The following THUMPD2 variants were observed in gnomAD, a reference collection of about 807,000 sequenced individuals.
THUMPD2 encodes the protein U6 snRNA (guanine-N(2))-methyltransferase THUMPD2.
THUMPD2 carries 56 observed loss-of-function variants against 49.4 expected under a neutral mutation model. The ratio of observed to expected loss-of-function variants is 1.13; its 90% confidence interval spans 0.91 to 1.41. The LOEUF is 1.41. Ranked by LOEUF, THUMPD2 falls within the 40% of genes most tolerant of loss-of-function variation. The pLI is 0.00. For missense variants in THUMPD2, 709 were observed against 594.5 expected (o/e 1.19, Z -2.00); for synonymous variants, 237 against 205.2 (o/e 1.15, Z -1.32).
At chr2:39,764,952 C>T (rs928849785) in intron 5 of THUMPD2, among the ~76,000 whole-genome samples, 3 of 152,214 alleles carry the variant, frequency 2.0e-5, no homozygotes, top group African/African-American at 4.8e-5. Context: ...CATGGCATGA[C>T]GTCTTGAATG....
intron 9 of THUMPD2, among the ~76,000 whole-genome samples, chr2:39,742,542 A>G (rs6749057): frequency 0.13 from 19,155 of 152,220 alleles, 1,536 homozygotes; most frequent in African/African-American, 0.22. Flanking sequence ...TAGAGGTGCT[A>G]TAATATGCAG....
chr2:39,757,041 G>A (rs997289199), intron 6 of THUMPD2, among the ~76,000 whole-genome samples: 51 of 152,018 alleles, frequency 3.4e-4, no homozygotes, highest in African/African-American at 1.2e-3. Flanking sequence ...GAATAGGGAA[G>A]CCAAGAAATG....
intron 6 of THUMPD2, among the ~76,000 whole-genome samples, chr2:39,758,132 T>C (rs954507542): frequency 2.6e-5 from 4 of 152,204 alleles, no homozygotes; most frequent in African/African-American, 7.2e-5. Context: ...CTGAAAAACA[T>C]GTTTATATTA....
At chr2:39,777,640 A>G (rs1679295220) in intron 1 of THUMPD2, among the ~76,000 whole-genome samples, 2 of 152,204 alleles carry the variant, frequency 1.3e-5, no homozygotes, top group Non-Finnish European at 1.5e-5. Flanking sequence ...TATCAGAGCA[A>G]CTTGGGTGGA....
chr2:39,744,206 T>C (rs1674280764), intron 9 of THUMPD2, among the ~76,000 whole-genome samples, 164 bp downstream of exon 9: 1 of 152,162 alleles, frequency 6.6e-6, no homozygotes, highest in African/African-American at 2.4e-5. Context: ...ATGGATAACA[T>C]TTATTTCAAT....
At chr2:39,757,955 G>C (rs937068036) in intron 6 of THUMPD2, among the ~76,000 whole-genome samples, 3 of 152,120 alleles carry the variant, frequency 2.0e-5, no homozygotes, top group Non-Finnish European at 2.9e-5. Context: ...CCCTCCAAAA[G>C]AACTCTACTA....
At chr2:39,759,513 G>A (rs944687468) in intron 6 of THUMPD2, among the ~76,000 whole-genome samples, 3 of 151,600 alleles carry the variant, frequency 2.0e-5, no homozygotes, top group African/African-American at 4.9e-5. Flanking sequence ...TAAGTATTCC[G>A]CCCAAAGCTT....
chr2:39,763,956 C>T (rs1677171083), intron 5 of THUMPD2, among the ~76,000 whole-genome samples: 1 of 152,080 alleles, frequency 6.6e-6, no homozygotes, highest in Non-Finnish European at 1.5e-5. Context: ...GTCCCAACTA[C>T]ACTGAAACTA....
intron 9 of THUMPD2, among the ~76,000 whole-genome samples, chr2:39,742,915 G>A (rs1674096212): frequency 6.6e-6 from 1 of 152,176 alleles, no homozygotes; most frequent in Admixed American, 6.5e-5. Context: ...GAGTACAGGT[G>A]CTCATGAAAT....
intron 8 of THUMPD2, among the ~76,000 whole-genome samples, chr2:39,751,396 G>A (rs1675380831): frequency 6.6e-6 from 1 of 152,240 alleles, no homozygotes; most frequent in Non-Finnish European, 1.5e-5. Flanking sequence ...CTTAAGTGAT[G>A]TGTGACCAGC....
intron 4 of THUMPD2, among the ~76,000 whole-genome samples, chr2:39,767,277 T>TG (rs1373314529): frequency 2.0e-5 from 3 of 152,080 alleles, no homozygotes; most frequent in Non-Finnish European, 4.4e-5. Flanking sequence ...CTCAGGGAGA[T>TG]GGGGACGAGA....
chr2:39,756,615 T>C (rs1257314459), intron 6 of THUMPD2, among the ~76,000 whole-genome samples: 1 of 152,032 alleles, frequency 6.6e-6, no homozygotes, highest in Non-Finnish European at 1.5e-5. Context: ...TAAAGATTTG[T>C]GTTCGGGTAG....
At position 39,748,594 on chromosome 2, in the gene THUMPD2, G is replaced by A. The variant is rs568521110; in HGVS notation, c.1079-4116C>T. On this transcript the variant is annotated intron_variant, in intron 8 of 9. Coordinates refer to ENST00000505747, the MANE Select transcript of THUMPD2 (RefSeq NM_025264.5). ...TCCCAGCTACTCAGGAGGCTGAAGCGGGAGAATTGCTTGAACCCAGGAGGC... is the reference window on the plus strand; with the variant it reads ...TCCCAGCTACTCAGGAGGCTGAAGCAGGAGAATTGCTTGAACCCAGGAGGC... Among the ~76,000 whole-genome samples, 17 of 152,082 alleles carry A rather than the reference G, an allele frequency of 1.1e-4. No homozygotes were observed. The South Asian group carries it at 2.1e-3, about 19-fold the overall frequency.
rs761487597 is a variant in THUMPD2 at position 39,769,717 on chromosome 2, G to C, written c.665C>G (p.Thr222Ser). 6.4e-7 allele frequency: 1 copy of C among 1,563,644 alleles called. No individual in the cohort carries two copies. The highest frequency in any genetic ancestry group is 2.0e-5 in the Admixed American group (1 of 48,872). Reference protein sequence around the residue: ...RCSGTIGKAFTAQEVGKVIGI... With the variant: ...RCSGTIGKAFSAQEVGKVIGI... ...TTTAGGATGCAAGCATACCTGTGCA[G>C]TGAAGGCCTTTCCAATAGTTCCACT... Residue 222 changes from threonine (T) to serine (S), a missense_variant, in exon 3 of 10, where the codon ACT becomes AGT. By Grantham distance (58) the Thr-to-Ser change is moderately conservative (BLOSUM62 1). Transcript: ENST00000505747.
At chr2:39,761,178 G>C (rs1178121417) in intron 6 of THUMPD2, among the ~76,000 whole-genome samples, 153 bp downstream of exon 6, 1 of 152,016 alleles carries the variant, frequency 6.6e-6, no homozygotes, top group Non-Finnish European at 1.5e-5. Context: ...TACTGCAGCA[G>C]TTTGTAAGTA....
rs551625751 is a variant in THUMPD2 at position 39,748,490 on chromosome 2, CAA to C, written c.1079-4014_1079-4013del. ...GGCCAAGGCAGGTGGATCATGAGGTCAAGAGATTGAGACCATCCTGGCCAACA... is the reference window on the plus strand; with the variant it reads ...GGCCAAGGCAGGTGGATCATGAGGTCGAGATTGAGACCATCCTGGCCAACA... On this transcript the variant is annotated intron_variant, in intron 8 of 9. Transcript: ENST00000505747. 4.2e-3 allele frequency among the ~76,000 whole-genome samples: 635 copies of C among 151,766 alleles called. 5 individuals carry two copies. The highest frequency in any genetic ancestry group is 0.014 in the African/African-American group (586 of 41,332).
chr2:39,768,558 A>G (rs1271449351), intron 3 of THUMPD2, 57 bp from the exon 4 acceptor site: 4 of 1,411,290 alleles, frequency 2.8e-6, no homozygotes, highest in African/African-American at 1.4e-5. Flanking sequence ...TTAAGTTTAA[A>G]TGTCAGCAAA....
intron 6 of THUMPD2, among the ~76,000 whole-genome samples, chr2:39,759,417 T>G (rs1158843876): frequency 6.6e-6 from 1 of 152,152 alleles, no homozygotes; most frequent in Non-Finnish European, 1.5e-5. Context: ...ATTTTATTAA[T>G]GCTAATTCAT....
At chr2:39,750,049 C>T (rs1039854252) in intron 8 of THUMPD2, among the ~76,000 whole-genome samples, 2 of 152,292 alleles carry the variant, frequency 1.3e-5, no homozygotes, top group African/African-American at 2.4e-5. Flanking sequence ...GAATAGTGCT[C>T]AAGTGAACAT....
Sources: gnomAD v4.1 joint callset for allele counts (sites outside exome capture counted in the v4.1 genomes callset) on GRCh38, gnomAD v4.1.1 for gene constraint, MANE v1.5 for transcripts, NCBI Gene and HGNC (gene_info 2026-07-23, HGNC 2026-07-21) for gene names.